NUP54: variants seen among roughly 807,000 people sequenced by gnomAD.
The protein encoded by NUP54 is nucleoporin p54.
A neutral mutation model predicts 66.4 loss-of-function variants in NUP54; 27 were observed. The ratio of observed to expected loss-of-function variants is 0.41; its 90% CI spans 0.30 to 0.56. The LOEUF is 0.56. Ranked by LOEUF, NUP54 falls within the 20% of genes least tolerant of loss-of-function variation. NUP54 has a pLI of 0.34. For synonymous variants in NUP54, 206 were observed against 210.7 expected (o/e 0.98, Z 0.19); for missense variants, 486 against 596.3 (o/e 0.82, Z 1.93).
At chr4:76,129,589 G>T (rs1310025111) in intron 8 of NUP54, among the ~76,000 whole-genome samples, 1 of 152,172 alleles carries the variant, frequency 6.6e-6, no homozygotes, top group Non-Finnish European at 1.5e-5. Context: ...AGTTGGCCGG[G>T]CGCAGTGGCT....
intron 1 of NUP54, chr4:76,146,011 C>A: frequency 2.7e-6 from 1 of 371,494 alleles, no homozygotes; most frequent in Non-Finnish European, 5.3e-6. Flanking sequence ...AATTTCTTTT[C>A]ATTATTCTTC....
chr4:76,121,937 A>G, intron 9 of NUP54, among the ~76,000 whole-genome samples: 1 of 152,144 alleles, frequency 6.6e-6, no homozygotes, highest in East Asian at 1.9e-4. Flanking sequence ...CATCTTCCCA[A>G]TGTTTATATT....
At chr4:76,147,747 T>C in intron 1 of NUP54, 1 of 846,466 alleles carries the variant, frequency 1.2e-6, no homozygotes, top group Non-Finnish European at 1.6e-6. Context: ...TTCACAGAAG[T>C]GAACAAACCT....
chr4:76,144,323 TAAA>T (rs33913434), intron 2 of NUP54, 31 bp from the exon 3 acceptor site: 244,321 of 1,503,908 alleles, frequency 0.16, 5,713 homozygotes, highest in East Asian at 0.42. Flanking sequence ...CTTCGTAAGT[TAAA>T]AAAAAAAAAA....
At chr4:76,143,771 G>A (rs1731366378) in intron 3 of NUP54, among the ~76,000 whole-genome samples, 1 of 152,194 alleles carries the variant, frequency 6.6e-6, no homozygotes, top group Non-Finnish European at 1.5e-5. Context: ...GCAATTGGTA[G>A]GGAAATGTGG....
At chr4:76,122,198 A>G (rs987397178) in intron 9 of NUP54, among the ~76,000 whole-genome samples, 1 of 152,190 alleles carries the variant, frequency 6.6e-6, no homozygotes, top group African/African-American at 2.4e-5. Flanking sequence ...ACTTGGTCAT[A>G]GTATATTTTT....
chr4:76,148,329 C>A lies in NUP54; in HGVS notation c.46G>T (p.Ala16Ser). ...GAPSGTSGTA[A>S]ATAAPAGGFG... ...TCACCCGCGGGGGCCGCGGTGGCTG[C>A]AGCGGTACCGGAGGTGCCCGAGGGA... Residue 16 changes from alanine (A) to serine (S), a missense_variant, in exon 1 of 12, where the codon GCA becomes TCA. By Grantham distance (99) the Ala-to-Ser change is moderately conservative. Transcript: ENST00000264883. 1 of 1,536,264 alleles carries A rather than the reference C, an allele frequency of 6.5e-7. No homozygotes were observed. The highest frequency in any genetic ancestry group is 8.8e-7 in the Non-Finnish European group (1 of 1,141,574).
chr4:76,136,553 C>T (rs1284406922), intron 3 of NUP54, 141 bp from the exon 4 acceptor site: 1 of 623,752 alleles, frequency 1.6e-6, no homozygotes, highest in Non-Finnish European at 2.8e-6. Flanking sequence ...TGTTATCTTA[C>T]ATAGCAAAAG....
chr4:76,122,336 T>G (rs905636959), intron 9 of NUP54, among the ~76,000 whole-genome samples: 1 of 152,330 alleles, frequency 6.6e-6, no homozygotes, highest in African/African-American at 2.4e-5. Flanking sequence ...TCTATGAATC[T>G]GGCAAATACA....
chr4:76,144,475 T>C lies in NUP54; in HGVS notation c.68-2A>G, dbSNP rs1560693477. 1 of 1,577,364 alleles carries C rather than the reference T, an allele frequency of 6.3e-7. No individual in the cohort carries two copies. Among genetic ancestry groups the C allele is most frequent in the Non-Finnish European group, 8.6e-7 (1 of 1,168,470 alleles). ...TTGTCCCAAATCCTCCAAACCCACCTAATTAAAAAAGAACAAAAATAGAAA... is the reference window on the plus strand; with the variant it reads ...TTGTCCCAAATCCTCCAAACCCACCCAATTAAAAAAGAACAAAAATAGAAA... On this transcript the variant is annotated splice_acceptor_variant, in intron 1 of 11. Transcript: ENST00000264883. LOFTEE classifies it high-confidence loss of function.
intron 9 of NUP54, among the ~76,000 whole-genome samples, chr4:76,121,493 C>G (rs1730233734): frequency 6.6e-6 from 1 of 152,010 alleles, no homozygotes; most frequent in African/African-American, 2.4e-5. Flanking sequence ...CCTATGTTGC[C>G]CAGGCAACAG....
intron 8 of NUP54, among the ~76,000 whole-genome samples, chr4:76,127,050 TC>T (rs1238530562): frequency 6.6e-6 from 1 of 151,692 alleles, no homozygotes; most frequent in Non-Finnish European, 1.5e-5. Flanking sequence ...TAAGAGAGGG[TC>T]TAGAAATAGA....
At position 76,144,286 on chromosome 4, in the gene NUP54, A is replaced by G. The variant is rs1731390128; in HGVS notation, c.158T>C (p.Phe53Ser). ...APTNTGTTGL[F>S]GGTQNKGFGF... ...AAAACCTTTGTTCTGAGTACCACCA[A>G]AGAGTCCTTTGAATGAAAAATTGGA... Residue 53 changes from phenylalanine (F) to serine (S), a missense_variant, in exon 3 of 12, where the codon TTT (phenylalanine) becomes TCT (serine). By Grantham distance (155) the Phe-to-Ser change is radical. Transcript: ENST00000264883. 3 of 1,608,308 alleles carry G rather than the reference A, an allele frequency of 1.9e-6. No homozygotes were observed. The highest frequency in any genetic ancestry group is 2.7e-5 in the African/African-American group (2 of 74,498).
At chr4:76,135,056 C>G (rs1366081222) in intron 4 of NUP54, among the ~76,000 whole-genome samples, 1 of 152,020 alleles carries the variant, frequency 6.6e-6, no homozygotes, top group East Asian at 1.9e-4. Context: ...ATCTGTATAT[C>G]TGATTCATGG....
chr4:76,118,166 T>C lies in NUP54; in HGVS notation c.1193A>G (p.Lys398Arg). 6.2e-7 allele frequency: 1 copy of C among 1,613,684 alleles called. No homozygotes were observed. The highest frequency in any genetic ancestry group is 8.5e-7 in the Non-Finnish European group (1 of 1,179,628). ...ATCAGCCTGAATGGCATAACCACTC[T>C]TCCTTTGAATTTCCTGTTTGATTAG... ...QVLIKQEIQR[K>R]SGYAIQADEE... is the part of the protein sequence containing the mutation. Residue 398 changes from lysine (K) to arginine (R), a missense_variant, in exon 10 of 12, where the codon AAG becomes AGG. Lys to Arg is a conservative substitution (Grantham distance 26, BLOSUM62 2). This residue lies in a region of NUP54 where 217 missense variants were observed against 247.9 expected (regional missense o/e 0.88). Coordinates refer to ENST00000264883, the MANE Select transcript of NUP54 (RefSeq NM_017426.4).
chr4:76,148,100 C>T, intron 1 of NUP54: 1 of 425,726 alleles, frequency 2.3e-6, no homozygotes. Context: ...GCGCGGCAAG[C>T]GAGCTTCTAG....
chr4:76,130,789 A>G (rs748940233), intron 7 of NUP54, 40 bp from the exon 8 acceptor site: 4 of 1,307,268 alleles, frequency 3.1e-6, no homozygotes, highest in Admixed American at 3.4e-5. Flanking sequence ...CCTTAAGCCT[A>G]TTACTACAAA....
intron 8 of NUP54, among the ~76,000 whole-genome samples, chr4:76,129,815 A>C (rs1432170102): frequency 7.3e-6 from 1 of 136,110 alleles, no homozygotes; most frequent in Non-Finnish European, 1.5e-5. Context: ...CAGCGAGCCT[A>C]GATCGCGCCA....
intron 9 of NUP54, among the ~76,000 whole-genome samples, chr4:76,122,957 A>G (rs1730298354): frequency 6.6e-6 from 1 of 152,226 alleles, no homozygotes; most frequent in African/African-American, 2.4e-5. Flanking sequence ...GCCAGTCACA[A>G]AAGACCATAT....
Sources: gnomAD v4.1 joint callset for allele counts (sites outside exome capture counted in the v4.1 genomes callset) on GRCh38, gnomAD v4.1.1 for gene constraint, gnomAD v4.1.1 regional missense constraint, MANE v1.5 for transcripts, NCBI Gene and HGNC (gene_info 2026-07-23, HGNC 2026-07-21) for gene names.